The following PCM1 variants were observed in gnomAD, a reference collection of about 807,000 sequenced individuals.
The protein encoded by PCM1 is pericentriolar material 1, also known as pericentriolar material 1 protein.
PCM1 carries 157 observed loss-of-function variants against 241.9 expected under a neutral mutation model. The observed-to-expected ratio is 0.65, with a 90% CI of 0.57 to 0.74. The LOEUF is 0.74. Among genes scored for constraint, PCM1 ranks in the 30% least tolerant of loss-of-function variants. PCM1 has a pLI of 0.00. For missense variants in PCM1, 3,478 were observed against 2,360.1 expected (o/e 1.47, Z -9.81); for synonymous variants, 1,085 against 784.9 (o/e 1.38, Z -6.39).
intron 36 of PCM1, among the ~76,000 whole-genome samples, chr8:18,022,221 C>G (rs1054451562): frequency 1.8e-4 from 28 of 152,182 alleles, no homozygotes; most frequent in African/African-American, 6.5e-4. Flanking sequence ...AAGCCTTTCC[C>G]TAGGAGCAGG....
chr8:17,992,308 A>G (rs1050111133), intron 28 of PCM1, among the ~76,000 whole-genome samples: 5 of 152,196 alleles, frequency 3.3e-5, no homozygotes, highest in Admixed American at 2.0e-4. Context: ...CAGTTGTTTA[A>G]GGAATCTTCA....
intron 29 of PCM1, among the ~76,000 whole-genome samples, chr8:17,995,682 T>A (rs1285476841): frequency 6.8e-6 from 1 of 146,978 alleles, no homozygotes; most frequent in Non-Finnish European, 1.5e-5. Context: ...CAATATTGAT[T>A]TTTCCAATCC....
intron 6 of PCM1, among the ~76,000 whole-genome samples, chr8:17,946,495 T>C (rs1045848950): frequency 1.3e-5 from 2 of 151,942 alleles, no homozygotes; most frequent in African/African-American, 4.8e-5. Flanking sequence ...CTTTTTTTTT[T>C]CCTTTTTTCT....
intron 2 of PCM1, among the ~76,000 whole-genome samples, chr8:17,932,337 C>T (rs946472036): frequency 6.6e-6 from 1 of 152,010 alleles, no homozygotes; most frequent in African/African-American, 2.4e-5. Flanking sequence ...AGTTTTAGTT[C>T]TTGATACAGT....
intron 6 of PCM1, among the ~76,000 whole-genome samples, chr8:17,945,700 T>C (rs1283686409): frequency 6.6e-6 from 1 of 152,188 alleles, no homozygotes; most frequent in African/African-American, 2.4e-5. Context: ...GTAAAGGATG[T>C]CACCCAGAAG....
chr8:17,998,002 C>G (rs2087577999), intron 29 of PCM1, among the ~76,000 whole-genome samples: 1 of 150,752 alleles, frequency 6.6e-6, no homozygotes, highest in Non-Finnish European at 1.5e-5. Flanking sequence ...TGCCACCACA[C>G]TCTAGCCTGG....
At chr8:17,960,868 T>G (rs2129467382) in intron 15 of PCM1, among the ~76,000 whole-genome samples, 1 of 152,244 alleles carries the variant, frequency 6.6e-6, no homozygotes, top group South Asian at 2.1e-4. Flanking sequence ...ATTTTGTGAT[T>G]AATGAAGTGG....
chr8:17,965,088 GACTT>G (rs1156245573), intron 18 of PCM1, among the ~76,000 whole-genome samples: 2 of 151,664 alleles, frequency 1.3e-5, no homozygotes, highest in Non-Finnish European at 2.9e-5. Flanking sequence ...TACAGGAAAA[GACTT>G]ACTTACGTTT....
chr8:18,018,057 C>T (rs2093393014), intron 36 of PCM1, among the ~76,000 whole-genome samples: 1 of 152,168 alleles, frequency 6.6e-6, no homozygotes. Context: ...ATCAGCCAGT[C>T]CCTTGGAGGA....
chr8:17,968,230 GTAAT>G (rs1313285432), intron 21 of PCM1, among the ~76,000 whole-genome samples: 3 of 152,192 alleles, frequency 2.0e-5, no homozygotes, highest in Non-Finnish European at 4.4e-5. Context: ...TAGGGGAAGA[GTAAT>G]TGATGTGGTT....
chr8:17,948,067 G>T (rs1258320186), intron 7 of PCM1, among the ~76,000 whole-genome samples: 1 of 152,084 alleles, frequency 6.6e-6, no homozygotes, highest in African/African-American at 2.4e-5. Flanking sequence ...ACAAAACTAA[G>T]TTATGTTTTC....
chr8:18,019,525 T>C (rs1035435174), intron 36 of PCM1, among the ~76,000 whole-genome samples: 1 of 152,200 alleles, frequency 6.6e-6, no homozygotes, highest in Non-Finnish European at 1.5e-5. Flanking sequence ...TGAGCTTGTC[T>C]TCCTGAAACT....
chr8:17,980,851 G>T (rs1038636058), intron 24 of PCM1, 96 bp downstream of exon 24: 3 of 833,870 alleles, frequency 3.6e-6, no homozygotes, highest in Admixed American at 5.3e-5. Flanking sequence ...TGTTTCACAC[G>T]TATCTATCAT....
intron 2 of PCM1, among the ~76,000 whole-genome samples, 185 bp from the exon 3 acceptor site, chr8:17,935,404 C>G (rs901497723): frequency 1.3e-5 from 2 of 152,194 alleles, no homozygotes; most frequent in Non-Finnish European, 2.9e-5. Flanking sequence ...AACTACCTAG[C>G]TCATTTTAAT....
chr8:17,982,351 A>G (rs1416451159), intron 24 of PCM1, among the ~76,000 whole-genome samples: 1 of 152,210 alleles, frequency 6.6e-6, no homozygotes, highest in Non-Finnish European at 1.5e-5. Context: ...CTGAGTATCA[A>G]TTACTTAAAT....
chr8:17,959,545 G>A (rs1298468607), intron 13 of PCM1, among the ~76,000 whole-genome samples: 1 of 141,852 alleles, frequency 7.0e-6, no homozygotes, highest in Non-Finnish European at 1.6e-5. Context: ...GTCAGTTGGT[G>A]TACATTTTAA....
chr8:17,958,430 T>C (rs2069785059), intron 13 of PCM1, among the ~76,000 whole-genome samples: 1 of 152,190 alleles, frequency 6.6e-6, no homozygotes, highest in Non-Finnish European at 1.5e-5. Flanking sequence ...AATGTACAAT[T>C]GTATATTTAT....
intron 30 of PCM1, among the ~76,000 whole-genome samples, chr8:18,007,657 A>G (rs943217445): frequency 6.6e-6 from 1 of 152,214 alleles, no homozygotes; most frequent in Non-Finnish European, 1.5e-5. Flanking sequence ...GAGGACATAC[A>G]TGAAGAATAC....
At chr8:17,992,301 T>A (rs1330285813) in intron 28 of PCM1, among the ~76,000 whole-genome samples, 1 of 152,192 alleles carries the variant, frequency 6.6e-6, no homozygotes. Context: ...CTACTTTCAG[T>A]TGTTTAAGGA....
Sources: allele counts gnomAD v4.1 joint callset (sites outside exome capture counted in the v4.1 genomes callset), GRCh38; gene constraint gnomAD v4.1.1; transcripts MANE v1.5; gene names NCBI Gene and HGNC (gene_info 2026-07-23, HGNC 2026-07-21).